The following ZNF880 variants were observed in gnomAD, a reference collection of about 807,000 sequenced individuals.
ZNF880 encodes zinc finger protein LOC400713.
Under a neutral mutation model 11.8 loss-of-function variants are expected in ZNF880, and 12 were observed. That is an observed-to-expected ratio of 1.02 (90% confidence interval 0.65 to 1.65). The LOEUF (loss-of-function observed/expected upper bound fraction) is 1.65. ZNF880 is among the 40% of genes most tolerant of loss of function. ZNF880 has a pLI of 0.00. For synonymous variants in ZNF880, 210 were observed against 232.4 expected, an observed-to-expected ratio of 0.90 and a Z score of 0.88; for missense variants, 601 against 673.9, an observed-to-expected ratio of 0.89 and a Z score of 1.20.
chr19:52,376,766 T>C (rs551503253), intron 3 of ZNF880, among the ~76,000 whole-genome samples: 1 of 152,230 alleles, frequency 6.6e-6, no homozygotes, highest in South Asian at 2.1e-4. Context: ...CGCCTTGGGC[T>C]CCCAAAATGC....
At chr19:52,377,275 G>C (rs1207269350) in intron 3 of ZNF880, among the ~76,000 whole-genome samples, 2 of 151,778 alleles carry the variant, frequency 1.3e-5, no homozygotes, top group Non-Finnish European at 2.9e-5. Context: ...CTCAAAGATT[G>C]CATGAAGGCG....
chr19:52,374,661 G>C, intron 3 of ZNF880: 1 of 662,182 alleles, frequency 1.5e-6, no homozygotes, highest in South Asian at 1.6e-5. Flanking sequence ...GTTTCTGTTT[G>C]GGAGCTCTCT....
chr19:52,370,721 G>A (rs866977387), intron 1 of ZNF880: 10 of 152,274 alleles, frequency 6.6e-5, no homozygotes, highest in Middle Eastern at 3.4e-3. Context: ...TTGAAATAAT[G>A]TTTATAAACT....
chr19:52,394,121 A>T, the ZNF880 span, among the ~76,000 whole-genome samples: 1 of 150,578 alleles, frequency 6.6e-6, no homozygotes, highest in Admixed American at 6.6e-5. Context: ...TTACAGGTGT[A>T]AGCCACTGCA....
chr19:52,382,859 A>T (rs1258114742), intron 3 of ZNF880, among the ~76,000 whole-genome samples: 1 of 152,152 alleles, frequency 6.6e-6, no homozygotes, highest in Non-Finnish European at 1.5e-5. Context: ...TTTGAACATT[A>T]TTTCTACAAT....
rs145738308 is a variant in ZNF880, at chr19:52,379,482, G to A, written c.269-4367G>A. 1,831 of 446,482 alleles carry A rather than the reference G, an allele frequency of 4.1e-3. 31 individuals carry two copies. In the East Asian group the frequency reaches 0.062, roughly 15 times the overall value. 27.7% of individuals were successfully genotyped at this position (446,482 alleles called of 1,614,324 possible). A position where few individuals can be genotyped will look rare whatever the true frequency, so the allele number is the denominator to read the frequency against. ...GCGATCTCGGCTCACTGCAACCTTC[G>A]CTTCCTGGATTCAAGCAATTCTTCT... On this transcript the variant is annotated intron_variant, in intron 3 of 3. Coordinates refer to ENST00000422689, the MANE Select transcript of ZNF880 (RefSeq NM_001145434.2).
intron 1 of ZNF880, chr19:52,370,242 A>C: frequency 3.9e-6 from 2 of 509,628 alleles, no homozygotes; most frequent in East Asian, 3.3e-5. Context: ...TCCTTCAGTG[A>C]CCCCTAGACA....
At chr19:52,392,252 GGACT>G in the ZNF880 span, among the ~76,000 whole-genome samples, 18 of 151,734 alleles carry the variant, frequency 1.2e-4, no homozygotes, top group East Asian at 7.7e-4. Context: ...TGGAAACCAT[GGACT>G]GACTTTCTTT....
intron 1 of ZNF880, among the ~76,000 whole-genome samples, chr19:52,372,413 G>A (rs974733375): frequency 2.1e-5 from 3 of 145,154 alleles, no homozygotes; most frequent in Admixed American, 6.9e-5. Flanking sequence ...TCAGCCTCAC[G>A]AGTAACTGGG....
At chr19:52,378,040 G>A (rs1319158515) in intron 3 of ZNF880, among the ~76,000 whole-genome samples, 1 of 152,090 alleles carries the variant, frequency 6.6e-6, no homozygotes, top group Non-Finnish European at 1.5e-5. Flanking sequence ...CCTTCCTGGA[G>A]GATAGTGGAT....
chr19:52,388,316 C>G (rs1334635335), downstream of ZNF880, among the ~76,000 whole-genome samples: 2 of 32,422 alleles, frequency 6.2e-5, no homozygotes, highest in Non-Finnish European at 1.1e-4. Flanking sequence ...TAGGCAGAGT[C>G]TCTGTCACCA....
chr19:52,372,567 TG>T (rs1302426863), intron 1 of ZNF880, among the ~76,000 whole-genome samples: 1 of 145,068 alleles, frequency 6.9e-6, no homozygotes, highest in Non-Finnish European at 1.5e-5. Flanking sequence ...GGATTACAGG[TG>T]TGAGCCACCG....
At chr19:52,393,873 G>C in the ZNF880 span, among the ~76,000 whole-genome samples, 4 of 111,660 alleles carry the variant, frequency 3.6e-5, no homozygotes, top group African/African-American at 1.1e-4. Flanking sequence ...GTCTTGCTCT[G>C]TCGCCCAGGC....
upstream of ZNF880, chr19:52,366,882 A>G: frequency 4.0e-6 from 3 of 747,830 alleles, no homozygotes; most frequent in South Asian, 5.7e-5. Flanking sequence ...TTGAAGCCTC[A>G]TCACTCATCT....
downstream of ZNF880, among the ~76,000 whole-genome samples, chr19:52,387,594 G>A (rs7252317): frequency 0.05 from 7,013 of 141,388 alleles, 1,535 homozygotes; most frequent in African/African-American, 0.18. Flanking sequence ...GACTACAGGC[G>A]CACGCTGCCA....
At chr19:52,366,985 C>A (rs1200266828), upstream of ZNF880, 1 of 490,242 alleles carries the variant, frequency 2.0e-6, no homozygotes, top group Non-Finnish European at 3.5e-6. Flanking sequence ...CAGAATAGAG[C>A]ATTTAATGAA....
At chr19:52,376,499 C>T (rs1429519107) in intron 3 of ZNF880, among the ~76,000 whole-genome samples, 1 of 10,042 alleles carries the variant, frequency 1.0e-4, no homozygotes, top group Non-Finnish European at 2.0e-4. Flanking sequence ...TAGCACCGCC[C>T]CCCCCCCCCC....
chr19:52,373,448 C>T (rs748869617), intron 2 of ZNF880, among the ~76,000 whole-genome samples: 5 of 152,086 alleles, frequency 3.3e-5, no homozygotes, highest in African/African-American at 4.8e-5. Flanking sequence ...AAAATAATTG[C>T]TTTCTTCAGA....
chr19:52,373,012 G>C (rs1349661331), intron 1 of ZNF880, 99 bp from the exon 2 acceptor site: 10 of 1,232,684 alleles, frequency 8.1e-6, no homozygotes, highest in Non-Finnish European at 1.1e-5. Flanking sequence ...ATACCTTAAC[G>C]TGGATTTGTC....
Sources: allele counts gnomAD v4.1 joint callset (sites outside exome capture counted in the v4.1 genomes callset), GRCh38; gene constraint gnomAD v4.1.1; transcripts MANE v1.5; gene names NCBI Gene and HGNC (gene_info 2026-07-23, HGNC 2026-07-21).